PCDHGA6: variants seen among roughly 807,000 people sequenced by gnomAD.
PCDHGA6 encodes the protein protocadherin gamma subfamily A, 6.
Under a neutral mutation model 60.6 loss-of-function variants are expected in PCDHGA6, and 41 were observed. That is an observed-to-expected ratio of 0.68 (90% confidence interval 0.53 to 0.88). The LOEUF (loss-of-function observed/expected upper bound fraction) is 0.88, where lower values mean the gene tolerates loss of function less well. Among genes scored for constraint, PCDHGA6 ranks in the 40% least tolerant of loss-of-function variants. PCDHGA6 has a pLI of 0.00. For synonymous variants in PCDHGA6, 594 were observed against 524.4 expected (o/e 1.13, Z -1.81); for missense variants, 1,312 against 1,203.0 (o/e 1.09, Z -1.34).
At chr5:141,420,687 G>T (rs2096517632) in intron 1 of PCDHGA6, among the ~76,000 whole-genome samples, 1 of 152,182 alleles carries the variant, frequency 6.6e-6, no homozygotes, top group South Asian at 2.1e-4. Flanking sequence ...TATCGGGACC[G>T]TATTATTTCC....
At chr5:141,413,661 T>G (rs2095664313) in intron 1 of PCDHGA6, 1 of 1,613,886 alleles carries the variant, frequency 6.2e-7, no homozygotes. Flanking sequence ...CGGAAGCTAT[T>G]GATCCGGATG....
At chr5:141,410,039 G>A (rs1413013254) in intron 1 of PCDHGA6, 2 of 1,613,264 alleles carry the variant, frequency 1.2e-6, no homozygotes, top group South Asian at 1.1e-5. Context: ...GCAGGCCAGT[G>A]AGCCCGGACT....
intron 3 of PCDHGA6, 110 bp from the exon 4 acceptor site, chr5:141,510,837 G>A (rs969654751): frequency 1.3e-6 from 2 of 1,586,392 alleles, no homozygotes; most frequent in Non-Finnish European, 8.6e-7. Context: ...GCTCAGCGTG[G>A]TCAAGGCCCA....
rs1177173734 is a variant in PCDHGA6, at chr5:141,491,741, G to A, written c.2425-3066G>A. ...CCGCCCCGGGCGACCCCTGGGGGCG[G>A]CACTGGAGAAGCCGCCCGTCCTCAT... On this transcript the variant is annotated intron_variant, in intron 1 of 3. Coordinates refer to ENST00000517434, the MANE Select transcript of PCDHGA6 (RefSeq NM_018919.3). The surrounding 1 kb of genome is among the most constrained non-coding windows in gnomAD (Gnocchi z 6.9). 1.9e-6 allele frequency: 3 copies of A among 1,595,644 alleles called. No homozygotes were observed. In the South Asian group the frequency reaches 3.4e-5, roughly 18 times the overall value.
chr5:141,422,027 C>A, intron 1 of PCDHGA6: 1 of 1,610,650 alleles, frequency 6.2e-7, no homozygotes, highest in Non-Finnish European at 8.5e-7. Context: ...ATGGTTAATG[C>A]AACGGATCCA....
chr5:141,438,231 TG>T (rs987686126), intron 1 of PCDHGA6, among the ~76,000 whole-genome samples: 1 of 152,082 alleles, frequency 6.6e-6, no homozygotes, highest in African/African-American at 2.4e-5. Context: ...TTCAGGAAAA[TG>T]TTTTTAAAAA....
intron 1 of PCDHGA6, chr5:141,410,151 G>A: frequency 6.2e-7 from 1 of 1,613,018 alleles, no homozygotes; most frequent in Non-Finnish European, 8.5e-7. Flanking sequence ...CGTGACGGTG[G>A]ACAGCCGCCA....
chr5:141,415,076 G>A (rs772523894), intron 1 of PCDHGA6: 3 of 1,613,462 alleles, frequency 1.9e-6, no homozygotes, highest in South Asian at 1.1e-5. Context: ...CGCACGGCGC[G>A]AGCCCTGCTG....
chr5:141,382,690 G>T, intron 1 of PCDHGA6: 1 of 448,422 alleles, frequency 2.2e-6, no homozygotes, highest in Middle Eastern at 5.6e-4. Flanking sequence ...AGGGAAAAAT[G>T]GTGCGAGAGA....
intron 1 of PCDHGA6, chr5:141,414,354 T>C (rs1389145668): frequency 1.2e-6 from 2 of 1,613,800 alleles, no homozygotes; most frequent in Admixed American, 1.7e-5. Flanking sequence ...TTTTGGCGTA[T>C]CTACCATTTA....
In PCDHGA6 at chr5:141,375,619, G is replaced by A. The variant is rs373115950; in HGVS notation, c.1536G>A (p.Gly512=). ...SSYVSINSDT[G]ILYALRSFDY... ...ACGTGTCCATCAACTCCGACACTGGGATTCTGTACGCCCTGCGCTCCTTCG... is the reference window on the plus strand; with the variant it reads ...ACGTGTCCATCAACTCCGACACTGGAATTCTGTACGCCCTGCGCTCCTTCG... The change falls in exon 1 of 4, where the codon GGG becomes GGA. Residue 512 remains glycine, a synonymous_variant. Coordinates refer to ENST00000517434, the MANE Select transcript of PCDHGA6 (RefSeq NM_018919.3). 7.6e-5 allele frequency: 123 copies of A among 1,614,098 alleles called. No individual in the cohort carries two copies. Among genetic ancestry groups the A allele is most frequent in the Non-Finnish European group, 1.0e-4 (119 of 1,180,044 alleles).
chr5:141,395,025 T>C, intron 1 of PCDHGA6: 1 of 1,614,116 alleles, frequency 6.2e-7, no homozygotes, highest in Non-Finnish European at 8.5e-7. Flanking sequence ...CGTGCCTGCC[T>C]CACATTTTGT....
chr5:141,384,013 C>T, intron 1 of PCDHGA6: 1 of 1,613,758 alleles, frequency 6.2e-7, no homozygotes, highest in Non-Finnish European at 8.5e-7. Context: ...TTTCTACCTA[C>T]AAGACAGAGA....
intron 1 of PCDHGA6, chr5:141,414,676 CA>C (rs779931467): frequency 5.6e-5 from 91 of 1,613,916 alleles, no homozygotes; most frequent in Middle Eastern, 1.6e-4. Context: ...AGACACCATC[CA>C]GGGGGTACCT....
At chr5:141,496,048 G>A (rs1327057788) in intron 2 of PCDHGA6, among the ~76,000 whole-genome samples, 1 of 148,400 alleles carries the variant, frequency 6.7e-6, no homozygotes, top group Non-Finnish European at 1.5e-5. Context: ...TCATTTTTTT[G>A]TGCTTGTGGG....
chr5:141,475,162 G>T (rs949339969), intron 1 of PCDHGA6, among the ~76,000 whole-genome samples: 2 of 152,034 alleles, frequency 1.3e-5, no homozygotes, highest in South Asian at 4.1e-4. Flanking sequence ...TTCTTCATTA[G>T]CAGTGCAACT....
At position 141,375,102 on chromosome 5, in the gene PCDHGA6, T is replaced by C. The variant is rs1185155280; in HGVS notation, c.1019T>C (p.Val340Ala). The change falls in exon 1 of 4, where the codon GTC becomes GCC. Residue 340 changes from valine (V) to alanine (A), a missense_variant. By Grantham distance (64) the Val-to-Ala change is moderately conservative. Coordinates refer to ENST00000517434, the MANE Select transcript of PCDHGA6 (RefSeq NM_018919.3). ...RAKVLITILDVNDNVPEVVVT... is the reference protein window; with the variant it reads ...RAKVLITILDANDNVPEVVVT... ...AAAGTCTTAATAACTATCTTGGATG[T>C]CAATGATAATGTACCAGAAGTGGTT... 3 of 1,613,868 alleles carry C rather than the reference T, an allele frequency of 1.9e-6. No individual in the cohort carries two copies. Among genetic ancestry groups the C allele is most frequent in the Non-Finnish European group, 2.5e-6 (3 of 1,179,914 alleles).
intron 1 of PCDHGA6, chr5:141,392,600 G>A: frequency 2.0e-6 from 1 of 505,338 alleles, no homozygotes; most frequent in East Asian, 3.2e-5. Context: ...TCACCTACTG[G>A]AAGACAAATG....
chr5:141,408,105 G>A (rs566753835), intron 1 of PCDHGA6: 22 of 1,439,788 alleles, frequency 1.5e-5, no homozygotes, highest in Admixed American at 8.2e-5. Context: ...TCCGAGACCC[G>A]GGACTCCTCC....
Sources: gnomAD v4.1 joint callset for allele counts (sites outside exome capture counted in the v4.1 genomes callset) on GRCh38, gnomAD v4.1.1 for gene constraint, Gnocchi (gnomAD v3.1) non-coding constraint, MANE v1.5 for transcripts, NCBI Gene and HGNC (gene_info 2026-07-23, HGNC 2026-07-21) for gene names.